Variants in TENM3 observed in about 807,000 individuals in gnomAD.
TENM3 encodes teneurin-3.
A neutral mutation model predicts 255.1 loss-of-function variants in TENM3; 63 were observed. The ratio of observed to expected loss-of-function variants is 0.25; its 90% CI spans 0.20 to 0.30. The LOEUF is 0.30. TENM3 is among the 10% of genes least tolerant of loss of function. The pLI is 1.00. For missense variants in TENM3, 2,929 were observed against 3,461.1 expected (o/e 0.85, Z 3.86); for synonymous variants, 1,306 against 1,322.3 (o/e 0.99, Z 0.27).
the TENM3 span, among the ~76,000 whole-genome samples, chr4:181,921,125 T>A: frequency 6.6e-6 from 1 of 152,190 alleles, no homozygotes; most frequent in African/African-American, 2.4e-5. Context: ...CATGCTGTTT[T>A]GGTTACTGTA....
intron 3 of TENM3, among the ~76,000 whole-genome samples, chr4:182,553,761 T>A (rs897124758): frequency 6.6e-6 from 1 of 152,180 alleles, no homozygotes; most frequent in Non-Finnish European, 1.5e-5. Context: ...ATAACTCGGG[T>A]TACTATCTAA....
At chr4:182,372,383 A>G (rs946211861) in intron 3 of TENM3, among the ~76,000 whole-genome samples, 4 of 129,622 alleles carry the variant, frequency 3.1e-5, no homozygotes, top group African/African-American at 1.0e-4. Flanking sequence ...TGACACTGAC[A>G]TCTTTACAAA....
chr4:181,629,719 G>A, the TENM3 span, among the ~76,000 whole-genome samples: 1 of 152,176 alleles, frequency 6.6e-6, no homozygotes, highest in Admixed American at 6.5e-5. Context: ...TTTTTGATGT[G>A]CTGCTGGATT....
the TENM3 span, among the ~76,000 whole-genome samples, chr4:181,962,981 C>T: frequency 1.3e-5 from 2 of 152,188 alleles, no homozygotes; most frequent in Non-Finnish European, 2.9e-5. Flanking sequence ...AGCAGTTCTA[C>T]CCTTTATTCC....
At chr4:182,237,521 C>T (rs1756973393) in intron 1 of TENM3, among the ~76,000 whole-genome samples, 1 of 152,056 alleles carries the variant, frequency 6.6e-6, no homozygotes, top group East Asian at 1.9e-4. Flanking sequence ...ACCCATCATG[C>T]CTGGCTACGT....
chr4:182,584,204 C>T (rs993604428), intron 3 of TENM3, among the ~76,000 whole-genome samples: 5 of 152,258 alleles, frequency 3.3e-5, no homozygotes, highest in South Asian at 2.1e-4. Context: ...AAGAGCTAAA[C>T]GACAAAGGAT....
the TENM3 span, among the ~76,000 whole-genome samples, chr4:181,767,138 G>C: frequency 2.7e-5 from 4 of 147,126 alleles, no homozygotes; most frequent in African/African-American, 1.0e-4. Flanking sequence ...TGTAGTCCCA[G>C]CTACTCGGGA....
chr4:181,800,332 A>C, the TENM3 span, among the ~76,000 whole-genome samples: 1 of 152,270 alleles, frequency 6.6e-6, no homozygotes, highest in South Asian at 2.1e-4. Flanking sequence ...ATATGGGAAT[A>C]AGAAATAAGA....
intron 3 of TENM3, among the ~76,000 whole-genome samples, chr4:182,474,531 G>A (rs1018936865): frequency 1.3e-5 from 2 of 152,084 alleles, no homozygotes; most frequent in African/African-American, 2.4e-5. Flanking sequence ...TTCACACCCC[G>A]TTTCCAGACA....
At chr4:181,794,054 C>T in the TENM3 span, among the ~76,000 whole-genome samples, 302 of 152,240 alleles carry the variant, frequency 2.0e-3, no homozygotes, top group Non-Finnish European at 2.9e-3. Context: ...AAACAAGCTT[C>T]GCAACATCTT....
At chr4:182,559,149 T>C (rs1742888789) in intron 3 of TENM3, among the ~76,000 whole-genome samples, 1 of 134,642 alleles carries the variant, frequency 7.4e-6, no homozygotes, top group African/African-American at 2.6e-5. Flanking sequence ...TTTTTTTTTT[T>C]TTGAAAATCA....
At chr4:182,606,521 C>T (rs1285389610) in intron 4 of TENM3, among the ~76,000 whole-genome samples, 1 of 80,422 alleles carries the variant, frequency 1.2e-5, no homozygotes, top group Non-Finnish European at 2.2e-5. Flanking sequence ...GAGACTCTGT[C>T]TCAAAAAAAA....
At chr4:181,768,211 C>A in the TENM3 span, among the ~76,000 whole-genome samples, 45 of 152,154 alleles carry the variant, frequency 3.0e-4, 2 homozygotes, top group South Asian at 8.9e-3. Flanking sequence ...ATTTTGTGCC[C>A]CAGGGGATAT....
At chr4:181,942,169 T>C in the TENM3 span, among the ~76,000 whole-genome samples, 1 of 152,158 alleles carries the variant, frequency 6.6e-6, no homozygotes, top group Admixed American at 6.5e-5. Flanking sequence ...ACCAATTTGG[T>C]ATTACCCAAA....
intron 1 of TENM3, chr4:182,145,242 C>T (rs1222682148): frequency 6.6e-6 from 1 of 152,296 alleles, no homozygotes; most frequent in African/African-American, 2.4e-5. Context: ...CAGAAGGCTT[C>T]TGCAGCGATC....
the TENM3 span, among the ~76,000 whole-genome samples, chr4:181,611,376 A>G: frequency 6.6e-6 from 1 of 152,134 alleles, no homozygotes; most frequent in Non-Finnish European, 1.5e-5. Flanking sequence ...AATCATGGTG[A>G]CTTTACCGAC....
At chr4:181,826,888 G>C in the TENM3 span, among the ~76,000 whole-genome samples, 16 of 152,000 alleles carry the variant, frequency 1.1e-4, no homozygotes, top group African/African-American at 3.9e-4. Context: ...TCTGTTGTTC[G>C]TCCCCACTGA....
chr4:181,881,516 T>C, the TENM3 span, among the ~76,000 whole-genome samples: 2 of 152,144 alleles, frequency 1.3e-5, no homozygotes, highest in African/African-American at 2.4e-5. Context: ...GGATTCATAT[T>C]TGTTGACCAC....
chr4:181,962,669 C>G, the TENM3 span, among the ~76,000 whole-genome samples: 5 of 152,128 alleles, frequency 3.3e-5, no homozygotes, highest in Non-Finnish European at 5.9e-5. Context: ...TAAAAAGACA[C>G]ACAAATTAAC....
Sources: gnomAD v4.1 joint callset for allele counts (sites outside exome capture counted in the v4.1 genomes callset) on GRCh38, gnomAD v4.1.1 for gene constraint, MANE v1.5 for transcripts, NCBI Gene and HGNC (gene_info 2026-07-23, HGNC 2026-07-21) for gene names.